The following LMNA variants were observed in gnomAD, a reference collection of about 807,000 sequenced individuals.
LMNA encodes lamin.
A neutral mutation model predicts 70.4 loss-of-function variants in LMNA; 20 were observed. The observed-to-expected ratio is 0.28, with a 90% CI of 0.20 to 0.41. LMNA has a LOEUF of 0.41. LMNA is among the 10% of genes least tolerant of loss of function. The pLI, the probability that LMNA is intolerant of heterozygous loss-of-function variation, is 1.00. For missense variants in LMNA, 652 were observed against 917.2 expected (o/e 0.71, Z 3.73); for synonymous variants, 339 against 372.8 (o/e 0.91, Z 1.04).
chr1:156,130,633 G>T lies in LMNA; in HGVS notation c.373G>T (p.Gly125Cys). 1 of 1,614,056 alleles carries T rather than the reference G, an allele frequency of 6.2e-7. No individual in the cohort carries two copies. Among genetic ancestry groups the T allele is most frequent in the Non-Finnish European group, 8.5e-7 (1 of 1,180,034 alleles). ...CTTCTTTAGCAATACCAAGAAGGAG[G>T]GTGACCTGATAGCTGCTCAGGCTCG... ...ELKARNTKKE[G>C]DLIAAQARLK... is the part of the protein sequence containing the mutation. Residue 125 changes from glycine (G) to cysteine (C), a missense_variant, in exon 2 of 12, where the codon GGT (glycine) becomes TGT (cysteine). By Grantham distance (159) the Gly-to-Cys change is radical. Transcript: ENST00000368300.
intron 1 of LMNA, among the ~76,000 whole-genome samples, chr1:156,128,118 T>C (rs1188067020): frequency 6.6e-6 from 1 of 152,128 alleles, no homozygotes; most frequent in East Asian, 1.9e-4. Flanking sequence ...CTCAATTGCA[T>C]AGGAATAGCA....
chr1:156,139,115 C>T lies in LMNA; in HGVS notation c.*9C>T, dbSNP rs1363666545. The T allele has an allele frequency of 6.2e-7, 1 of 1,613,556 alleles. No individual in the cohort carries two copies. The highest frequency in any genetic ancestry group is 1.3e-5 in the African/African-American group (1 of 74,798). ...ACTGCAGCATCATGTAATCTGGGAC[C>T]TGCCAGGCAGGGGTGGGGGTGGAGG... On this transcript the variant is annotated 3_prime_UTR_variant, in exon 12 of 12. Transcript: ENST00000368300.
Position 156,125,568 on chromosome 1 carries a change from A to C in LMNA, c.357-5049A>C, listed in dbSNP as rs142909110. The stretch of plus-strand genomic sequence containing the variant: ...GCTGGGTGTGGTGGCAGGCGCCTGT[A>C]ATCCCAGCTACTCTGGAGGCTGAGG... On this transcript the variant is annotated intron_variant, in intron 1 of 11. Coordinates refer to ENST00000368300, the MANE Select transcript of LMNA (RefSeq NM_170707.4). 3.3e-3 allele frequency among the ~76,000 whole-genome samples: 507 copies of C among 152,102 alleles called. 25 individuals carry two copies. The East Asian group carries it at 0.078, about 24-fold the overall frequency.
At chr1:156,094,275 C>T (rs540716495) in intron 3 of LMNA, among the ~76,000 whole-genome samples, 10 of 152,276 alleles carry the variant, frequency 6.6e-5, no homozygotes, top group East Asian at 5.8e-4. Context: ...CCCTCTGCCT[C>T]GAACCCTCTC....
chr1:156,094,390 G>A (rs1419243595), intron 3 of LMNA, among the ~76,000 whole-genome samples: 2 of 152,170 alleles, frequency 1.3e-5, no homozygotes, highest in Non-Finnish European at 2.9e-5. Flanking sequence ...CCAGGCTGGA[G>A]TGCAGTGGTG....
At chr1:156,124,275 C>T (rs919798168) in intron 1 of LMNA, among the ~76,000 whole-genome samples, 1 of 151,752 alleles carries the variant, frequency 6.6e-6, no homozygotes, top group African/African-American at 2.4e-5. Context: ...AGCTGCCCCC[C>T]TCAGTTCCTC....
intron 2 of LMNA, among the ~76,000 whole-genome samples, chr1:156,085,343 C>G (rs984776550): frequency 6.6e-6 from 1 of 152,198 alleles, no homozygotes; most frequent in Admixed American, 6.5e-5. Context: ...TCAGGAGACC[C>G]CCTCCCTCAA....
At chr1:156,126,825 G>A in intron 1 of LMNA, 2 of 1,611,664 alleles carry the variant, frequency 1.2e-6, no homozygotes, top group Non-Finnish European at 1.7e-6. Flanking sequence ...CTGTGCTTGG[G>A]GAACCTGGAG....
At chr1:156,130,838 T>A in intron 2 of LMNA, 65 bp downstream of exon 2, 2 of 1,475,918 alleles carry the variant, frequency 1.4e-6, no homozygotes, top group Non-Finnish European at 1.8e-6. Flanking sequence ...CTCTTCTACC[T>A]AGGCCCTCCC....
chr1:156,127,009 C>T, intron 1 of LMNA: 1 of 1,289,244 alleles, frequency 7.8e-7, no homozygotes, highest in Non-Finnish European at 1.0e-6. Context: ...TTCCCAGCTC[C>T]TCTGGCCTGC....
upstream of LMNA, among the ~76,000 whole-genome samples, chr1:156,110,923 C>T (rs1345687946): frequency 6.6e-6 from 1 of 152,070 alleles, no homozygotes; most frequent in Non-Finnish European, 1.5e-5. Context: ...TTGCAGTGAG[C>T]CGAGATTGTG....
chr1:156,138,059 C>T lies in LMNA; in HGVS notation c.1698+316C>T, dbSNP rs1222428966. On this transcript the variant is annotated intron_variant, in intron 10 of 11. Coordinates refer to ENST00000368300, the MANE Select transcript of LMNA (RefSeq NM_170707.4). This position sits in a 1 kb window ranked among gnomAD's most constrained non-coding sequence, Gnocchi z 5.5. ...GGGGAGGACAGACGTGGGGCATGCC[C>T]GCCCTGCCTCTCTCCCCCATTCTTG... 2.4e-5 allele frequency: 13 copies of T among 547,896 alleles called. No homozygotes were observed. The highest frequency in any genetic ancestry group is 1.9e-4 in the South Asian group (9 of 47,870). 33.9% of individuals were successfully genotyped at this position (547,896 alleles called of 1,614,324 possible). A position where few individuals can be genotyped will look rare whatever the true frequency, so the allele number is the denominator to read the frequency against.
intron 1 of LMNA, chr1:156,126,321 T>G: frequency 1.1e-6 from 1 of 936,488 alleles, no homozygotes; most frequent in Non-Finnish European, 1.6e-6. Flanking sequence ...TTGTTATTTT[T>G]AGCTACAGTG....
Position 156,114,800 on chromosome 1 carries a change from C to T in LMNA, c.-119C>T. On this transcript the variant is annotated 5_prime_UTR_variant, in exon 1 of 12. Coordinates refer to ENST00000368300, the MANE Select transcript of LMNA (RefSeq NM_170707.4). ...CCCAGATCCCCACGCCTGCCAGGAG[C>T]AAGCCGAGAGCCAGCCGGCCGGCGC... 1.4e-6 allele frequency: 1 copy of T among 707,360 alleles called. No individual in the cohort carries two copies. The highest frequency in any genetic ancestry group is 3.1e-5 in the Admixed American group (1 of 32,392). 43.8% of individuals were successfully genotyped at this position (707,360 alleles called of 1,614,324 possible).
chr1:156,126,612 C>T, intron 1 of LMNA: 2 of 992,102 alleles, frequency 2.0e-6, no homozygotes, highest in Non-Finnish European at 3.2e-6. Context: ...CCTTGTCCCA[C>T]CAGGCACAGC....
chr1:156,099,753 G>A (rs1203138754), intron 3 of LMNA, among the ~76,000 whole-genome samples: 1 of 151,502 alleles, frequency 6.6e-6, no homozygotes, highest in African/African-American at 2.4e-5. Flanking sequence ...GGGCGTGCTG[G>A]TGTGCACCTG....
At chr1:156,099,883 A>G (rs910988953) in intron 3 of LMNA, among the ~76,000 whole-genome samples, 35 of 151,920 alleles carry the variant, frequency 2.3e-4, no homozygotes, top group Admixed American at 1.1e-3. Context: ...AAAAAAAAAA[A>G]AAAAGAAAAA....
chr1:156,134,077 T>G lies in LMNA; in HGVS notation c.514-326T>G, dbSNP rs1161943701. Among the ~76,000 whole-genome samples the G allele has an allele frequency of 1.3e-5, 2 of 152,164 alleles. No individual in the cohort carries two copies. The highest frequency in any genetic ancestry group is 2.9e-5 in the Non-Finnish European group (2 of 68,020). On this transcript the variant is annotated intron_variant, in intron 2 of 11. Transcript: ENST00000368300. This position sits in a 1 kb window ranked among gnomAD's most constrained non-coding sequence, Gnocchi z 5.3. ...TGTCACCCAGGCTGGAGTGCAGTAG[T>G]GCGATCTCGGCTCACTGCAACCTCC...
chr1:156,132,870 T>C (rs1365239341), intron 2 of LMNA, among the ~76,000 whole-genome samples: 2 of 146,832 alleles, frequency 1.4e-5, no homozygotes, highest in Non-Finnish European at 3.0e-5. Context: ...GATGGAGTCT[T>C]ACTCTGTCAC....
Sources: gnomAD v4.1 joint callset for allele counts (sites outside exome capture counted in the v4.1 genomes callset) on GRCh38, gnomAD v4.1.1 for gene constraint, Gnocchi (gnomAD v3.1) non-coding constraint, MANE v1.5 for transcripts, NCBI Gene and HGNC (gene_info 2026-07-23, HGNC 2026-07-21) for gene names.